RBFOX1: variants seen among roughly 807,000 people sequenced by gnomAD.
The protein encoded by RBFOX1 is RNA binding fox-1 homolog 1.
In RBFOX1, 8 loss-of-function variants were observed where a neutral mutation model predicts 57.7. The ratio of observed to expected loss-of-function variants is 0.14; its 90% confidence interval spans 0.08 to 0.25. RBFOX1 has a LOEUF of 0.25. Ranked by LOEUF, RBFOX1 falls within the 10% of genes least tolerant of loss-of-function variation. The pLI is 1.00. For missense variants in RBFOX1, 611 were observed against 548.5 expected, an observed-to-expected ratio of 1.11 and a Z score of -1.14; for synonymous variants, 326 against 222.4, an observed-to-expected ratio of 1.47 and a Z score of -4.15.
At chr16:6,659,912 C>T (rs145176526) in intron 3 of RBFOX1, among the ~76,000 whole-genome samples, 1 of 152,076 alleles carries the variant, frequency 6.6e-6, no homozygotes, top group African/African-American at 2.4e-5. Context: ...AGAGTAGATA[C>T]ACGGGTTAGA....
At chr16:7,440,199 A>C (rs551205128) in intron 4 of RBFOX1, among the ~76,000 whole-genome samples, 1 of 151,956 alleles carries the variant, frequency 6.6e-6, no homozygotes, top group Admixed American at 6.5e-5. Flanking sequence ...TCTGGCCCCA[A>C]ATGTTTTATG....
chr16:5,580,176 G>A (rs1196132349), intron 2 of RBFOX1, among the ~76,000 whole-genome samples: 3 of 152,212 alleles, frequency 2.0e-5, no homozygotes, highest in Admixed American at 1.3e-4. Context: ...TTGGCCCAGC[G>A]TAGTGATGGT....
chr16:6,747,445 A>AGTCTGTCTGTCTGTCTGTCT lies in RBFOX1; in HGVS notation c.-16+92806_-16+92825dup, dbSNP rs367859716. On this transcript the variant is annotated intron_variant, in intron 3 of 15. Coordinates refer to ENST00000550418, the MANE Select transcript of RBFOX1 (RefSeq NM_018723.4). ...AAATCTATCAGTCAGTCAGTCAGTT[A>AGTCTGTCTGTCTGTCTGTCT]GTCTGTCTGTCTGTCTGTCTGTCTG... 1.1e-4 allele frequency among the ~76,000 whole-genome samples: 9 copies of AGTCTGTCTGTCTGTCTGTCT among 83,288 alleles called. No homozygotes were observed. In the South Asian group the frequency reaches 3.3e-3, roughly 30 times the overall value. 54.6% of individuals were successfully genotyped at this position (83,288 alleles called of 152,430 possible).
At chr16:5,312,904 G>A (rs1379725345) in intron 1 of RBFOX1, among the ~76,000 whole-genome samples, 1 of 152,180 alleles carries the variant, frequency 6.6e-6, no homozygotes, top group Non-Finnish European at 1.5e-5. Context: ...TTGCAGTCTT[G>A]CTGCCTCTCA....
chr16:7,709,488 A>T (rs2083562906), intron 15 of RBFOX1: 2 of 1,473,042 alleles, frequency 1.4e-6, no homozygotes, highest in Non-Finnish European at 1.8e-6. Flanking sequence ...CTGCTCATTC[A>T]CATAGCCCCA....
intron 4 of RBFOX1, among the ~76,000 whole-genome samples, chr16:7,078,862 CCTT>C (rs1196934490): frequency 0.011 from 438 of 38,564 alleles, 4 homozygotes; most frequent in African/African-American, 0.025. Context: ...TATATATATA[CCTT>C]TTTTTTTTTT....
chr16:6,747,276 G>C (rs1192152477), intron 3 of RBFOX1, among the ~76,000 whole-genome samples: 1 of 152,102 alleles, frequency 6.6e-6, no homozygotes, highest in Non-Finnish European at 1.5e-5. Flanking sequence ...TGGCATGGTG[G>C]TGTGTTTGAA....
Position 5,909,589 on chromosome 16 carries a change from T to A in RBFOX1, c.351+42254T>A, listed in dbSNP as rs190342516. ...TTGATCCATGCAATCTCTCTTATCC[T>A]GAGTATAAGTGAAGCCACTGGAGAG... On this transcript the variant is annotated intron_variant, in intron 4 of 19. Transcript: ENST00000641259. Among the ~76,000 whole-genome samples the A allele has an allele frequency of 3.9e-4, 60 of 152,292 alleles. No individual in the cohort carries two copies. The East Asian group carries it at 0.011, about 29-fold the overall frequency.
intron 4 of RBFOX1, among the ~76,000 whole-genome samples, chr16:5,908,239 C>G (rs193269220): frequency 1.9e-4 from 28 of 145,946 alleles, no homozygotes; most frequent in African/African-American, 6.4e-4. Context: ...CATATATATA[C>G]ATATACATAC....
intron 3 of RBFOX1, among the ~76,000 whole-genome samples, chr16:6,947,930 C>T (rs1251446039): frequency 6.6e-6 from 1 of 152,118 alleles, no homozygotes; most frequent in Admixed American, 6.6e-5. Context: ...GCTCAACCCA[C>T]CATGCCCAGC....
intron 4 of RBFOX1, among the ~76,000 whole-genome samples, chr16:7,213,570 A>C (rs944759788): frequency 6.7e-6 from 1 of 149,556 alleles, no homozygotes; most frequent in Non-Finnish European, 1.5e-5. Context: ...AAAAAAAAAC[A>C]CAAACAAGGT....
At chr16:6,437,970 G>C (rs538183175) in intron 2 of RBFOX1, among the ~76,000 whole-genome samples, 38 of 152,182 alleles carry the variant, frequency 2.5e-4, no homozygotes, top group Non-Finnish European at 4.7e-4. Context: ...TCTTCTGATG[G>C]GACAAGGAAA....
At chr16:6,566,419 C>G (rs1417012329) in intron 2 of RBFOX1, among the ~76,000 whole-genome samples, 1 of 151,962 alleles carries the variant, frequency 6.6e-6, no homozygotes, top group Admixed American at 6.6e-5. Context: ...ACGTAGGGAC[C>G]TCCATTTGAT....
intron 3 of RBFOX1, among the ~76,000 whole-genome samples, chr16:6,939,412 T>C (rs928517173): frequency 2.0e-5 from 3 of 152,052 alleles, no homozygotes; most frequent in East Asian, 1.9e-4. Context: ...TATATATATA[T>C]ATGTAGCTAT....
chr16:6,866,891 C>A (rs1210191044), intron 3 of RBFOX1, among the ~76,000 whole-genome samples: 4 of 151,806 alleles, frequency 2.6e-5, no homozygotes, highest in African/African-American at 7.3e-5. Flanking sequence ...TATTACTTGC[C>A]ACACAAAGCA....
intron 3 of RBFOX1, among the ~76,000 whole-genome samples, chr16:6,876,515 C>T (rs12921980): frequency 0.25 from 38,462 of 151,978 alleles, 5,096 homozygotes; most frequent in African/African-American, 0.32. Flanking sequence ...ACCTAGCACA[C>T]AGTAGGCATT....
At chr16:6,636,829 TA>T (rs1276143201) in intron 2 of RBFOX1, among the ~76,000 whole-genome samples, 3 of 36,568 alleles carry the variant, frequency 8.2e-5, no homozygotes, top group Middle Eastern at 0.013. Flanking sequence ...TAATATATGT[TA>T]TATATAATAT....
chr16:6,353,841 C>G (rs1358729055), intron 2 of RBFOX1, among the ~76,000 whole-genome samples: 1 of 152,158 alleles, frequency 6.6e-6, no homozygotes, highest in African/African-American at 2.4e-5. Flanking sequence ...ATGACACGTT[C>G]CTGGGCTCTG....
intron 3 of RBFOX1, among the ~76,000 whole-genome samples, chr16:5,768,820 G>A (rs74006272): frequency 0.024 from 3,594 of 152,048 alleles, 141 homozygotes; most frequent in African/African-American, 0.081. Context: ...CGGAACATGG[G>A]TATGAGATGC....
Sources: gnomAD v4.1 joint callset for allele counts (sites outside exome capture counted in the v4.1 genomes callset) on GRCh38, gnomAD v4.1.1 for gene constraint, MANE v1.5 for transcripts, NCBI Gene and HGNC (gene_info 2026-07-23, HGNC 2026-07-21) for gene names.